The following MAGI3 variants were observed in gnomAD, a reference collection of about 807,000 sequenced individuals.
The protein encoded by MAGI3 is membrane-associated guanylate kinase, WW and PDZ domain-containing protein 3.
MAGI3 carries 43 observed loss-of-function variants against 121.8 expected under a neutral mutation model. The observed-to-expected ratio is 0.35, with a 90% CI of 0.28 to 0.46. The LOEUF (loss-of-function observed/expected upper bound fraction) is 0.46. MAGI3 is among the 20% of genes least tolerant of loss of function. The pLI, the probability that MAGI3 is intolerant of heterozygous loss-of-function variation, is 1.00. For synonymous variants in MAGI3, 553 were observed against 639.3 expected, an observed-to-expected ratio of 0.86 and a Z score of 2.04; for missense variants, 1,547 against 1,797.3, an observed-to-expected ratio of 0.86 and a Z score of 2.52.
intron 1 of MAGI3, among the ~76,000 whole-genome samples, chr1:113,452,455 T>TACAC (rs4026203): frequency 0.12 from 17,035 of 147,092 alleles, 1,258 homozygotes; most frequent in Non-Finnish European, 0.17. Flanking sequence ...TGCATAGACA[T>TACAC]ACACACACAC....
intron 1 of MAGI3, among the ~76,000 whole-genome samples, chr1:113,453,212 C>A (rs1279586096): frequency 1.3e-5 from 2 of 152,074 alleles, no homozygotes; most frequent in African/African-American, 4.8e-5. Context: ...TATAAATTTT[C>A]ATGAGCATTT....
intron 16 of MAGI3, among the ~76,000 whole-genome samples, chr1:113,667,181 A>G (rs1647227031): frequency 6.6e-6 from 1 of 152,218 alleles, no homozygotes; most frequent in African/African-American, 2.4e-5. Flanking sequence ...CTGCCTTTGA[A>G]GCTTTGAAGC....
At chr1:113,427,573 G>A (rs1489483597) in intron 1 of MAGI3, among the ~76,000 whole-genome samples, 9 of 152,164 alleles carry the variant, frequency 5.9e-5, no homozygotes, top group Non-Finnish European at 1.5e-5. Context: ...TCTTTCTTCT[G>A]TAGAGTAGAG....
Position 113,642,284 on chromosome 1 carries a change from T to A in MAGI3, c.1734T>A (p.Thr578=), listed in dbSNP as rs762861027. ...SSGSSQPELV[T]IPLIKGPKGF... Reference sequence around the variant, plus strand: ...GCAGCTCCCAGCCTGAACTAGTGACTATCCCTTTGATTAAGGGCCCTAAAG... The same window carrying A: ...GCAGCTCCCAGCCTGAACTAGTGACAATCCCTTTGATTAAGGGCCCTAAAG... The change falls in exon 10 of 21, where the codon ACT becomes ACA. Residue 578 remains threonine, a synonymous_variant. Transcript: ENST00000307546. 3 of 1,614,074 alleles carry A rather than the reference T, an allele frequency of 1.9e-6. No individual in the cohort carries two copies. Among genetic ancestry groups the A allele is most frequent in the Non-Finnish European group, 2.5e-6 (3 of 1,180,038 alleles).
At chr1:113,457,456 C>T (rs929890056) in intron 1 of MAGI3, among the ~76,000 whole-genome samples, 4 of 152,084 alleles carry the variant, frequency 2.6e-5, no homozygotes, top group African/African-American at 7.2e-5. Context: ...ATGTCTTATT[C>T]GATAAGAAAT....
chr1:113,552,082 G>C (rs971318598), intron 2 of MAGI3, among the ~76,000 whole-genome samples: 3 of 151,854 alleles, frequency 2.0e-5, no homozygotes, highest in African/African-American at 7.3e-5. Flanking sequence ...TGATAGTTGG[G>C]CTGTTGTTCT....
In MAGI3 at chr1:113,574,043, G is replaced by T. The variant is rs561524448; in HGVS notation, c.434-6499G>T. ...CTTTTTTTTTCTTTCCATTTGCTTGGTAAATATTCCTCCATCCATTTATTT... is the reference window on the plus strand; with the variant it reads ...CTTTTTTTTTCTTTCCATTTGCTTGTTAAATATTCCTCCATCCATTTATTT... On this transcript the variant is annotated intron_variant, in intron 2 of 20. Transcript: ENST00000307546. Among the ~76,000 whole-genome samples, 397 of 151,750 alleles carry T rather than the reference G, an allele frequency of 2.6e-3. 1 individual carries two copies. The highest frequency in any genetic ancestry group is 8.3e-3 in the African/African-American group (344 of 41,308).
intron 1 of MAGI3, among the ~76,000 whole-genome samples, chr1:113,417,541 TTAAC>T (rs1300636592): frequency 2.0e-5 from 3 of 152,080 alleles, no homozygotes; most frequent in Admixed American, 2.0e-4. Context: ...TTTCTTGTAT[TTAAC>T]TGAGCAATTT....
intron 6 of MAGI3, among the ~76,000 whole-genome samples, chr1:113,611,819 C>T (rs1650159512): frequency 1.3e-5 from 2 of 152,078 alleles, no homozygotes. Flanking sequence ...TTTCCCTTTG[C>T]ATACAACTTT....
chr1:113,432,538 T>C (rs1444905718), intron 1 of MAGI3, among the ~76,000 whole-genome samples: 1 of 152,124 alleles, frequency 6.6e-6, no homozygotes, highest in Non-Finnish European at 1.5e-5. Context: ...AAATTTTTGT[T>C]ATTTTTTTTT....
intron 13 of MAGI3, among the ~76,000 whole-genome samples, chr1:113,650,017 TA>T (rs1653068515): frequency 6.6e-6 from 1 of 152,136 alleles, no homozygotes; most frequent in African/African-American, 2.4e-5. Context: ...GTAGCATTTT[TA>T]AGAACATATT....
intron 7 of MAGI3, among the ~76,000 whole-genome samples, chr1:113,615,077 T>A (rs1287251983): frequency 6.6e-6 from 1 of 152,202 alleles, no homozygotes; most frequent in Non-Finnish European, 1.5e-5. Context: ...TTTTGAAGCA[T>A]ACACCTAAAG....
At chr1:113,493,030 G>C (rs1374160465) in intron 1 of MAGI3, among the ~76,000 whole-genome samples, 3 of 152,046 alleles carry the variant, frequency 2.0e-5, no homozygotes, top group Non-Finnish European at 4.4e-5. Flanking sequence ...CACAGAACTA[G>C]AAAAAACTAT....
chr1:113,442,735 G>A (rs1026838927), intron 1 of MAGI3, among the ~76,000 whole-genome samples: 4 of 151,958 alleles, frequency 2.6e-5, no homozygotes, highest in South Asian at 4.2e-4. Context: ...TCAGCCTCTC[G>A]AGTTGCTGGG....
intron 1 of MAGI3, among the ~76,000 whole-genome samples, chr1:113,473,747 A>G (rs1655663914): frequency 6.6e-6 from 1 of 152,188 alleles, no homozygotes; most frequent in Non-Finnish European, 1.5e-5. Flanking sequence ...GTGTCTTTAT[A>G]GCAGCATGAT....
In MAGI3 at chr1:113,523,935, G is replaced by T. The variant is rs193276198; in HGVS notation, c.317-25580G>T. Among the ~76,000 whole-genome samples the T allele has an allele frequency of 2.0e-5, 3 of 152,200 alleles. No individual in the cohort carries two copies. The East Asian group carries it at 5.8e-4, about 30-fold the overall frequency. ...ACCGAGGAGGAAAAAATTGTTCAGT[G>T]GGCTGGGCCGGGATCCCTCTGCTGT... On this transcript the variant is annotated intron_variant, in intron 1 of 20. Coordinates refer to ENST00000307546, the MANE Select transcript of MAGI3 (RefSeq NM_001142782.2).
chr1:113,468,872 G>A, intron 1 of MAGI3, among the ~76,000 whole-genome samples: 1 of 151,898 alleles, frequency 6.6e-6, no homozygotes, highest in East Asian at 1.9e-4. Flanking sequence ...TTCTGACAGT[G>A]AGCTCCTTAT....
intron 2 of MAGI3, among the ~76,000 whole-genome samples, chr1:113,560,764 G>C (rs1316654238): frequency 6.6e-6 from 1 of 152,040 alleles, no homozygotes; most frequent in Non-Finnish European, 1.5e-5. Context: ...AAATAACCAA[G>C]ATCAGAGCTG....
At position 113,683,727 on chromosome 1, in the gene MAGI3, AAAGT is replaced by A. The variant is rs1191135264; in HGVS notation, c.4162_4165del (p.Val1388ProfsTer12). 6.3e-7 allele frequency: 1 copy of A among 1,599,286 alleles called. No homozygotes were observed. Among genetic ancestry groups the A allele is most frequent in the African/African-American group, 1.3e-5 (1 of 74,612 alleles). On this transcript the variant is annotated frameshift_variant, in exon 21 of 21. Coordinates refer to ENST00000307546, the MANE Select transcript of MAGI3 (RefSeq NM_001142782.2). LOFTEE classifies it low-confidence loss of function (END_TRUNC). ...AGTATCTGAAAATGAAAAAGGAAAGAAAGTAACCACAGGAGAAACAAGTTCTAGT... is the reference window on the plus strand; with the variant it reads ...AGTATCTGAAAATGAAAAAGGAAAGAAACCACAGGAGAAACAAGTTCTAGT...
Sources: gnomAD v4.1 joint callset for allele counts (sites outside exome capture counted in the v4.1 genomes callset) on GRCh38, gnomAD v4.1.1 for gene constraint, MANE v1.5 for transcripts, NCBI Gene and HGNC (gene_info 2026-07-23, HGNC 2026-07-21) for gene names.